Variants in CNTN5 observed in about 807,000 individuals in gnomAD.
CNTN5 encodes the protein contactin-5.
Under a neutral mutation model 129.1 loss-of-function variants are expected in CNTN5, and 77 were observed. That is an observed-to-expected ratio of 0.60 (90% CI 0.50 to 0.72). The LOEUF is 0.72. CNTN5 is among the 30% of genes least tolerant of loss of function. CNTN5 has a pLI of 0.00. For synonymous variants in CNTN5, 509 were observed against 465.6 expected (o/e 1.09, Z -1.20); for missense variants, 1,478 against 1,328.8 (o/e 1.11, Z -1.75).
intron 8 of CNTN5, among the ~76,000 whole-genome samples, chr11:99,965,812 A>C (rs1383261369): frequency 4.6e-5 from 7 of 152,134 alleles, no homozygotes; most frequent in Non-Finnish European, 8.8e-5. Flanking sequence ...CTAGGTCTCT[A>C]AGGACTTGCT....
At chr11:99,066,669 T>C (rs1865116545) in intron 1 of CNTN5, among the ~76,000 whole-genome samples, 1 of 152,106 alleles carries the variant, frequency 6.6e-6, no homozygotes, top group Admixed American at 6.6e-5. Flanking sequence ...GTAAAGTAAA[T>C]TGTGACCACC....
intron 6 of CNTN5, among the ~76,000 whole-genome samples, chr11:99,885,512 A>T (rs1948878947): frequency 6.6e-6 from 1 of 152,214 alleles, no homozygotes; most frequent in Admixed American, 6.5e-5. Flanking sequence ...ATTGTAAATA[A>T]GCAAAACTGA....
At chr11:99,859,179 A>G (rs1291090585) in intron 6 of CNTN5, among the ~76,000 whole-genome samples, 1 of 152,166 alleles carries the variant, frequency 6.6e-6, no homozygotes, top group East Asian at 1.9e-4. Context: ...CCATCCTGAG[A>G]TTATGCTTAG....
At chr11:100,038,127 A>C (rs1454989348) in intron 9 of CNTN5, among the ~76,000 whole-genome samples, 1 of 151,684 alleles carries the variant, frequency 6.6e-6, no homozygotes, top group African/African-American at 2.4e-5. Flanking sequence ...TTCCCTCTAC[A>C]CACTACTTTG....
At chr11:99,075,136 A>G (rs1023892662) in intron 1 of CNTN5, among the ~76,000 whole-genome samples, 3 of 152,226 alleles carry the variant, frequency 2.0e-5, no homozygotes, top group Admixed American at 1.3e-4. Context: ...CAATACATCA[A>G]TACTCTGCAA....
intron 3 of CNTN5, among the ~76,000 whole-genome samples, chr11:99,743,291 C>T (rs185809011): frequency 2.6e-5 from 4 of 152,096 alleles, no homozygotes; most frequent in Admixed American, 6.5e-5. Flanking sequence ...ATCTTTAATA[C>T]AAACCCATGG....
intron 9 of CNTN5, among the ~76,000 whole-genome samples, chr11:100,018,313 A>C (rs745805674): frequency 2.0e-5 from 3 of 151,822 alleles, no homozygotes; most frequent in South Asian, 2.1e-4. Flanking sequence ...CCTCCTTCCC[A>C]TCCACGCATC....
intron 2 of CNTN5, among the ~76,000 whole-genome samples, chr11:99,383,859 A>G (rs946489075): frequency 2.6e-5 from 4 of 152,188 alleles, no homozygotes; most frequent in African/African-American, 9.7e-5. Context: ...AGGCCTGCAC[A>G]GATGTCAGGA....
chr11:99,773,386 G>T (rs1945009563), intron 3 of CNTN5, among the ~76,000 whole-genome samples: 1 of 152,058 alleles, frequency 6.6e-6, no homozygotes, highest in Non-Finnish European at 1.5e-5. Context: ...TAAGCTTAAA[G>T]ATCTTGTTCA....
intron 2 of CNTN5, among the ~76,000 whole-genome samples, chr11:99,395,635 G>T (rs950776782): frequency 1.3e-5 from 2 of 151,910 alleles, no homozygotes; most frequent in Admixed American, 1.3e-4. Flanking sequence ...GTCCAGGATG[G>T]TACTCTGTAG....
intron 2 of CNTN5, among the ~76,000 whole-genome samples, chr11:99,350,930 A>G (rs1231088860): frequency 6.6e-6 from 1 of 152,080 alleles, no homozygotes; most frequent in Admixed American, 6.6e-5. Flanking sequence ...AATATTTATT[A>G]AGTTAGTTCC....
intron 3 of CNTN5, among the ~76,000 whole-genome samples, chr11:99,591,125 A>G (rs566719240): frequency 6.6e-6 from 1 of 152,122 alleles, no homozygotes; most frequent in Admixed American, 6.5e-5. Flanking sequence ...TGCCCTGTTT[A>G]GAGGCTTTAC....
intron 6 of CNTN5, among the ~76,000 whole-genome samples, chr11:99,867,605 A>G (rs943313016): frequency 1.3e-5 from 2 of 152,064 alleles, no homozygotes; most frequent in African/African-American, 4.8e-5. Flanking sequence ...GAACCATAGC[A>G]TCTCTCTGAC....
At chr11:99,174,126 G>A (rs1209206902) in intron 1 of CNTN5, among the ~76,000 whole-genome samples, 1 of 152,066 alleles carries the variant, frequency 6.6e-6, no homozygotes, top group Non-Finnish European at 1.5e-5. Flanking sequence ...AGCCTCCCGA[G>A]TAGCTTGGAT....
intron 1 of CNTN5, among the ~76,000 whole-genome samples, chr11:99,057,875 G>C (rs1016369070): frequency 5.3e-5 from 8 of 151,166 alleles, no homozygotes; most frequent in Non-Finnish European, 1.2e-4. Flanking sequence ...AGGTAGAAAA[G>C]ACATTGTTGA....
intron 4 of CNTN5, among the ~76,000 whole-genome samples, chr11:99,835,915 C>T (rs577078362): frequency 6.6e-5 from 10 of 151,914 alleles, no homozygotes; most frequent in East Asian, 5.8e-4. Context: ...GAAAGAGGTC[C>T]GGATACAGAC....
chr11:100,119,522 G>T (rs1591277458), intron 13 of CNTN5, among the ~76,000 whole-genome samples: 1 of 151,946 alleles, frequency 6.6e-6, no homozygotes, highest in East Asian at 1.9e-4. Flanking sequence ...GATTCCTTTA[G>T]ATTTCTGCAT....
intron 1 of CNTN5, among the ~76,000 whole-genome samples, chr11:99,112,057 G>A (rs550067219): frequency 7.4e-4 from 113 of 152,048 alleles, no homozygotes; most frequent in African/African-American, 2.6e-3. Flanking sequence ...GATTAGTACA[G>A]TACCTGATAA....
At chr11:99,475,303 C>T (rs556183822) in intron 2 of CNTN5, among the ~76,000 whole-genome samples, 1 of 152,188 alleles carries the variant, frequency 6.6e-6, no homozygotes, top group Non-Finnish European at 1.5e-5. Flanking sequence ...GCACAAAGGC[C>T]CACATCAGAT....
Sources: gnomAD v4.1 joint callset for allele counts (sites outside exome capture counted in the v4.1 genomes callset) on GRCh38, gnomAD v4.1.1 for gene constraint, MANE v1.5 for transcripts, NCBI Gene and HGNC (gene_info 2026-07-23, HGNC 2026-07-21) for gene names.